Variants in AKAP7 observed in about 807,000 individuals in gnomAD.
AKAP7 encodes A kinase (PRKA) anchor protein 7.
AKAP7 carries 39 observed loss-of-function variants against 39.5 expected under a neutral mutation model. That is an observed-to-expected ratio of 0.99 (90% CI 0.76 to 1.29). The LOEUF (loss-of-function observed/expected upper bound fraction) is 1.29, where lower values mean the gene tolerates loss of function less well. AKAP7 is among the 50% of genes most tolerant of loss of function. The probability of loss-of-function intolerance (pLI) is 0.00; values close to 1 mark genes in which losing one functional copy is unlikely to be tolerated. For missense variants in AKAP7, 414 were observed against 407.7 expected (o/e 1.02, Z -0.13); for synonymous variants, 140 against 139.1 (o/e 1.01, Z -0.05).
chr6:131,196,978 C>T (rs1806999278), intron 5 of AKAP7, among the ~76,000 whole-genome samples: 1 of 152,062 alleles, frequency 6.6e-6, no homozygotes, highest in Non-Finnish European at 1.5e-5. Flanking sequence ...CTGGTCTCCT[C>T]TATTTAATTT....
intron 6 of AKAP7, among the ~76,000 whole-genome samples, chr6:131,217,736 GT>G (rs1715034727): frequency 6.6e-6 from 1 of 152,176 alleles, no homozygotes; most frequent in East Asian, 1.9e-4. Flanking sequence ...TCAATCTCAT[GT>G]TTTATTTCTT....
chr6:131,239,092 G>A (rs1437264314), intron 7 of AKAP7, among the ~76,000 whole-genome samples: 1 of 152,076 alleles, frequency 6.6e-6, no homozygotes, highest in South Asian at 2.1e-4. Flanking sequence ...AGCTCTTTTA[G>A]GGCAGGCCTG....
chr6:131,156,563 C>A (rs954978153), intron 2 of AKAP7, among the ~76,000 whole-genome samples: 2 of 152,018 alleles, frequency 1.3e-5, no homozygotes, highest in African/African-American at 4.8e-5. Context: ...CATTTGAGCC[C>A]CAGGAGTTCG....
chr6:131,180,008 A>G (rs951542239), intron 5 of AKAP7, among the ~76,000 whole-genome samples: 11 of 152,364 alleles, frequency 7.2e-5, no homozygotes, highest in African/African-American at 2.6e-4. Context: ...TTCCACACTC[A>G]GAGCCTTGGC....
chr6:131,185,164 C>T (rs966189959), intron 5 of AKAP7: 2 of 533,740 alleles, frequency 3.7e-6, no homozygotes, highest in African/African-American at 3.8e-5. Flanking sequence ...GAGATCAGCC[C>T]CTCCTTCTTC....
intron 5 of AKAP7, 43 bp from the exon 6 acceptor site, chr6:131,199,418 A>G: frequency 7.5e-7 from 1 of 1,328,352 alleles, no homozygotes; most frequent in Non-Finnish European, 1.1e-6. Flanking sequence ...AAGAACTGAA[A>G]ATACTGTAGT....
At chr6:131,181,834 T>TA (rs1014059474) in intron 5 of AKAP7, among the ~76,000 whole-genome samples, 15 of 150,848 alleles carry the variant, frequency 9.9e-5, no homozygotes, top group South Asian at 2.1e-4. Context: ...CTTTTTTATT[T>TA]AAAAAAAAAA....
At chr6:131,202,138 A>G (rs1807630184) in intron 6 of AKAP7, among the ~76,000 whole-genome samples, 1 of 151,120 alleles carries the variant, frequency 6.6e-6, no homozygotes, top group South Asian at 2.1e-4. Context: ...GTGGAGAAAT[A>G]GGAACACTTT....
chr6:131,198,481 GT>G (rs1483238063), intron 5 of AKAP7, among the ~76,000 whole-genome samples: 1 of 152,088 alleles, frequency 6.6e-6, no homozygotes, highest in African/African-American at 2.4e-5. Flanking sequence ...CTTGGAAATA[GT>G]TTTTTGTTTG....
intron 7 of AKAP7, among the ~76,000 whole-genome samples, chr6:131,222,749 C>A (rs1809818006): frequency 6.6e-6 from 1 of 152,150 alleles, no homozygotes. Flanking sequence ...ACTACATTAA[C>A]TTAATTGATA....
intron 7 of AKAP7, among the ~76,000 whole-genome samples, chr6:131,237,111 A>C (rs1253171674): frequency 6.6e-6 from 1 of 152,148 alleles, no homozygotes; most frequent in Non-Finnish European, 1.5e-5. Context: ...AGTTTTTAGC[A>C]TGAAGGGTTG....
intron 7 of AKAP7, among the ~76,000 whole-genome samples, chr6:131,232,523 T>C (rs1355747249): frequency 3.9e-5 from 6 of 152,184 alleles, no homozygotes; most frequent in Non-Finnish European, 7.3e-5. Flanking sequence ...GTGCTTGACA[T>C]ACAGTGTTAT....
chr6:131,189,364 T>A (rs2128269373), intron 5 of AKAP7, among the ~76,000 whole-genome samples: 1 of 152,368 alleles, frequency 6.6e-6, no homozygotes, highest in East Asian at 1.9e-4. Context: ...AGACTATTCT[T>A]ATTAATAAAC....
At chr6:131,248,192 GTT>G (rs2128317637) in intron 7 of AKAP7, among the ~76,000 whole-genome samples, 1 of 152,254 alleles carries the variant, frequency 6.6e-6, no homozygotes, top group East Asian at 1.9e-4. Context: ...CAGACAATCT[GTT>G]CTCTTCTTCC....
At chr6:131,171,303 A>C (rs1463141499) in intron 5 of AKAP7, among the ~76,000 whole-genome samples, 2 of 152,338 alleles carry the variant, frequency 1.3e-5, no homozygotes, top group Middle Eastern at 6.8e-3. Context: ...GCAGGCACAT[A>C]GGAAGGAGAA....
At chr6:131,180,509 T>C (rs1322583874) in intron 5 of AKAP7, among the ~76,000 whole-genome samples, 3 of 152,214 alleles carry the variant, frequency 2.0e-5, no homozygotes, top group African/African-American at 7.2e-5. Context: ...CTACTCAGAA[T>C]CTTTAAAAGA....
intron 2 of AKAP7, among the ~76,000 whole-genome samples, chr6:131,151,332 T>C (rs1002416433): frequency 1.3e-5 from 2 of 150,524 alleles, no homozygotes; most frequent in Non-Finnish European, 3.0e-5. Context: ...CATGAGCCAC[T>C]GCACCCAGCA....
At chr6:131,161,020 G>A (rs2128238362) in intron 3 of AKAP7, among the ~76,000 whole-genome samples, 2 of 152,202 alleles carry the variant, frequency 1.3e-5, no homozygotes, top group South Asian at 4.1e-4. Context: ...TTGAATTTCT[G>A]TTTGATTGTG....
chr6:131,146,065 C>T (rs1231004969), intron 2 of AKAP7, among the ~76,000 whole-genome samples: 1 of 152,166 alleles, frequency 6.6e-6, no homozygotes, highest in Non-Finnish European at 1.5e-5. Flanking sequence ...ACCCATTTAT[C>T]TAACACATGT....
Sources: gnomAD v4.1 joint callset for allele counts (sites outside exome capture counted in the v4.1 genomes callset) on GRCh38, gnomAD v4.1.1 for gene constraint, MANE v1.5 for transcripts, NCBI Gene and HGNC (gene_info 2026-07-23, HGNC 2026-07-21) for gene names.